Variants in RHOU observed in about 807,000 individuals in gnomAD.
RHOU encodes the protein ras homolog family member U, also known as rho-related GTP-binding protein RhoU.
In RHOU, 8 loss-of-function variants were observed where a neutral mutation model predicts 12.6. The ratio of observed to expected loss-of-function variants is 0.64; its 90% confidence interval spans 0.37 to 1.15. The LOEUF is 1.15. Among genes scored for constraint, RHOU ranks in the 50% most tolerant of loss-of-function variants. The probability of loss-of-function intolerance (pLI) is 0.01; values close to 1 mark genes in which losing one functional copy is unlikely to be tolerated. For synonymous variants in RHOU, 161 were observed against 147.4 expected, an observed-to-expected ratio of 1.09 and a Z score of -0.67; for missense variants, 258 against 347.0, an observed-to-expected ratio of 0.74 and a Z score of 2.04.
chr1:228,704,672 G>A, the RHOU span, among the ~76,000 whole-genome samples: 1 of 151,510 alleles, frequency 6.6e-6, no homozygotes, highest in African/African-American at 2.4e-5. Flanking sequence ...TATTGGCCAG[G>A]CTCGTGTTGA....
At chr1:228,726,794 G>A in the RHOU span, among the ~76,000 whole-genome samples, 3 of 152,164 alleles carry the variant, frequency 2.0e-5, no homozygotes, top group Non-Finnish European at 4.4e-5. Flanking sequence ...GATTTTGTGA[G>A]GACTAAATAT....
At chr1:228,672,724 A>G in the RHOU span, among the ~76,000 whole-genome samples, 1 of 152,192 alleles carries the variant, frequency 6.6e-6, no homozygotes, top group Non-Finnish European at 1.5e-5. Flanking sequence ...CCATCACCTC[A>G]GGAAGTTTGA....
At chr1:228,679,929 TG>T in the RHOU span, among the ~76,000 whole-genome samples, 1 of 152,010 alleles carries the variant, frequency 6.6e-6, no homozygotes, top group African/African-American at 2.4e-5. Flanking sequence ...TTAGTTAAAA[TG>T]TCTCGAGCCA....
At chr1:228,672,364 T>C in the RHOU span, among the ~76,000 whole-genome samples, 1 of 152,178 alleles carries the variant, frequency 6.6e-6, no homozygotes, top group South Asian at 2.1e-4. Context: ...TGTTTCAACA[T>C]GTTTGCCAGG....
At chr1:228,730,865 G>A (rs1163358899), upstream of RHOU, among the ~76,000 whole-genome samples, 1 of 152,130 alleles carries the variant, frequency 6.6e-6, no homozygotes, top group Non-Finnish European at 1.5e-5. Flanking sequence ...TCAATAGCAG[G>A]AAAAACAGCT....
chr1:228,721,807 T>C, the RHOU span, among the ~76,000 whole-genome samples: 1 of 152,094 alleles, frequency 6.6e-6, no homozygotes, highest in Non-Finnish European at 1.5e-5. Flanking sequence ...ATTACAGGCA[T>C]GCACTAATTT....
At chr1:228,687,867 C>T in the RHOU span, 9 of 984,082 alleles carry the variant, frequency 9.1e-6, no homozygotes, top group African/African-American at 1.3e-4. Context: ...GAGTGACTTC[C>T]CTGGTCACCA....
chr1:228,688,584 C>T, the RHOU span, among the ~76,000 whole-genome samples: 1 of 152,164 alleles, frequency 6.6e-6, no homozygotes, highest in East Asian at 1.9e-4. Flanking sequence ...GGAATCGTGC[C>T]TTTCCTGCAA....
chr1:228,733,935 C>T (rs949688870), upstream of RHOU, among the ~76,000 whole-genome samples: 15 of 152,060 alleles, frequency 9.9e-5, no homozygotes, highest in African/African-American at 3.6e-4. Flanking sequence ...GAGTAAGGGC[C>T]CTCTAAATTT....
chr1:228,713,383 C>T, the RHOU span, among the ~76,000 whole-genome samples: 3 of 152,156 alleles, frequency 2.0e-5, no homozygotes, highest in South Asian at 2.1e-4. Flanking sequence ...GAATATGTGG[C>T]GGTTTCAGTG....
the RHOU span, among the ~76,000 whole-genome samples, chr1:228,700,486 T>A: frequency 6.6e-6 from 1 of 152,210 alleles, no homozygotes; most frequent in African/African-American, 2.4e-5. Context: ...TTTTTATCTT[T>A]TTCATGAACT....
At chr1:228,655,268 T>G in the RHOU span, among the ~76,000 whole-genome samples, 5 of 152,178 alleles carry the variant, frequency 3.3e-5, no homozygotes, top group East Asian at 9.6e-4. Context: ...CATACCCAGC[T>G]AATTTTTGTA....
the RHOU span, among the ~76,000 whole-genome samples, chr1:228,667,973 G>A: frequency 2.0e-5 from 3 of 152,302 alleles, no homozygotes; most frequent in South Asian, 4.1e-4. Flanking sequence ...CTGTACATGA[G>A]TTTATGCTGA....
In RHOU at chr1:228,735,852, G is replaced by T; in HGVS notation, c.110G>T (p.Gly37Val). 1 of 1,326,830 alleles carries T rather than the reference G, an allele frequency of 7.5e-7. No homozygotes were observed. 82.2% of individuals were successfully genotyped at this position (1,326,830 alleles called of 1,614,324 possible). ...GRGGRGPGEP[G>V]GRGRAGGAEG... Reference sequence around the variant, plus strand: ...GGGGGACGCGGGCCTGGGGAGCCGGGGGGCCGGGGGCGTGCGGGGGGTGCC... The same window carrying T: ...GGGGGACGCGGGCCTGGGGAGCCGGTGGGCCGGGGGCGTGCGGGGGGTGCC... Residue 37 changes from glycine (G) to valine (V), a missense_variant, in exon 1 of 3, where the codon GGG becomes GTG. Transcript: ENST00000366691. This position sits in a 1 kb window ranked among gnomAD's most constrained non-coding sequence, Gnocchi z 8.1.
the RHOU span, among the ~76,000 whole-genome samples, chr1:228,727,301 C>G: frequency 6.6e-6 from 1 of 151,990 alleles, no homozygotes; most frequent in Non-Finnish European, 1.5e-5. Flanking sequence ...ACACTCATTT[C>G]TTCTCTCTCT....
chr1:228,649,204 A>C, the RHOU span, among the ~76,000 whole-genome samples: 2 of 152,202 alleles, frequency 1.3e-5, no homozygotes, highest in South Asian at 4.1e-4. Flanking sequence ...ACCCTGTTCA[A>C]GGTACTAGAG....
chr1:228,681,471 G>A, the RHOU span, among the ~76,000 whole-genome samples: 2 of 152,120 alleles, frequency 1.3e-5, no homozygotes, highest in Non-Finnish European at 2.9e-5. Flanking sequence ...GGTTGAGACT[G>A]AAGGGACAGG....
the RHOU span, among the ~76,000 whole-genome samples, chr1:228,722,412 C>G: frequency 6.6e-6 from 1 of 152,118 alleles, no homozygotes; most frequent in Admixed American, 6.5e-5. Flanking sequence ...TCTGAACTTA[C>G]ACCTCTCACC....
At position 228,738,386 on chromosome 1, in the gene RHOU, G is replaced by A. The variant is rs1662656306; in HGVS notation, c.321+655G>A. ...TAGGGTTCCCTCTTTGTGTTCCCCAGAAGAAGCCCCCATTGGTGGGTACTC... is the reference window on the plus strand; with the variant it reads ...TAGGGTTCCCTCTTTGTGTTCCCCAAAAGAAGCCCCCATTGGTGGGTACTC... On this transcript the variant is annotated intron_variant, in intron 2 of 2. Coordinates refer to ENST00000366691, the MANE Select transcript of RHOU (RefSeq NM_021205.6). The surrounding 1 kb of genome is among the most constrained non-coding windows in gnomAD (Gnocchi z 4.2). 6.6e-6 allele frequency among the ~76,000 whole-genome samples: 1 copy of A among 152,136 alleles called. No homozygotes were observed. The highest frequency in any genetic ancestry group is 2.1e-4 in the South Asian group (1 of 4,826).
Sources: allele counts gnomAD v4.1 joint callset (sites outside exome capture counted in the v4.1 genomes callset), GRCh38; gene constraint gnomAD v4.1.1; non-coding constraint Gnocchi (gnomAD v3.1); transcripts MANE v1.5; gene names NCBI Gene and HGNC (gene_info 2026-07-23, HGNC 2026-07-21).